The following POLG variants were observed in gnomAD, a reference collection of about 807,000 sequenced individuals.
POLG encodes DNA polymerase subunit gamma-1.
Under a neutral mutation model 155.4 loss-of-function variants are expected in POLG, and 110 were observed. That is an observed-to-expected ratio of 0.71 (90% CI 0.61 to 0.83). The LOEUF (loss-of-function observed/expected upper bound fraction) is 0.83, where lower values mean the gene tolerates loss of function less well. Among genes scored for constraint, POLG ranks in the 40% least tolerant of loss-of-function variants. POLG has a pLI of 0.00. For missense variants in POLG, 1,685 were observed against 1,627.5 expected, an observed-to-expected ratio of 1.04 and a Z score of -0.61; for synonymous variants, 701 against 631.5, an observed-to-expected ratio of 1.11 and a Z score of -1.65.
intron 9 of POLG, 41 bp downstream of exon 9, chr15:89,326,571 G>A (rs1456804644): frequency 3.1e-6 from 5 of 1,609,014 alleles, no homozygotes; most frequent in Non-Finnish European, 4.2e-6. Context: ...ATGGAGCAAG[G>A]GTAGACTCTA....
chr15:89,329,934 G>C (rs2055572491), intron 3 of POLG, 147 bp downstream of exon 3: 1 of 732,542 alleles, frequency 1.4e-6, no homozygotes, highest in Non-Finnish European at 2.4e-6. Context: ...AGAGACCAGA[G>C]GCACAGCTGG....
intron 6 of POLG, 59 bp downstream of exon 6, chr15:89,328,396 TG>T: frequency 1.5e-6 from 2 of 1,332,246 alleles, no homozygotes; most frequent in Non-Finnish European, 2.1e-6. Context: ...CTGATTACAG[TG>T]GGCCCGGGTA....
chr15:89,319,084 C>G lies in POLG; in HGVS notation c.3120G>C (p.Lys1040Asn), dbSNP rs754039113. ...RETARKSQWK[K>N]WEVVAERAWK... Reference sequence around the variant, plus strand: ...ATGCCCGTTCAGCAACCACCTCCCACTTCTTCCACTGTGACCTAAGGGACC... The same window carrying G: ...ATGCCCGTTCAGCAACCACCTCCCAGTTCTTCCACTGTGACCTAAGGGACC... The change falls in exon 20 of 23, where the codon AAG (lysine) becomes AAC (asparagine). Residue 1040 changes from lysine (K) to asparagine (N), a missense_variant. Coordinates refer to ENST00000268124, the MANE Select transcript of POLG (RefSeq NM_002693.3). 2.0e-5 allele frequency: 32 copies of G among 1,614,064 alleles called. 1 individual carries two copies. In the South Asian group the frequency reaches 3.4e-4, roughly 17 times the overall value.
At chr15:89,332,957 G>A (rs915196113) in intron 2 of POLG, 139 bp downstream of exon 2, 1 of 1,141,788 alleles carries the variant, frequency 8.8e-7, no homozygotes, top group African/African-American at 1.6e-5. Context: ...ATAAACAGGG[G>A]TCTAGTCCTA....
Position 89,328,970 on chromosome 15 carries a change from G to A in POLG, c.996C>T (p.Ser332=), listed in dbSNP as rs1183183052. The A allele has an allele frequency of 2.5e-6, 4 of 1,613,942 alleles. No individual in the cohort carries two copies. Among genetic ancestry groups the A allele is most frequent in the Admixed American group, 1.7e-5 (1 of 60,034 alleles). Residue 332 remains serine, a synonymous_variant, in exon 4 of 23, where the codon TCC becomes TCT. Transcript: ENST00000268124. ...VQPPTKQGQK[S]QRKARRGPAI... Reference sequence around the variant, plus strand: ...CTGGGCCTCTTCTGGCTTTCCTCTGGGACTTCTGGCCTTGCTTTGTGGGGG... The same window carrying A: ...CTGGGCCTCTTCTGGCTTTCCTCTGAGACTTCTGGCCTTGCTTTGTGGGGG...
chr15:89,325,115 T>TGA (rs1567189411), intron 10 of POLG, among the ~76,000 whole-genome samples: 1 of 29,260 alleles, frequency 3.4e-5, no homozygotes, highest in African/African-American at 2.6e-4. Flanking sequence ...TGAGAGAGAG[T>TGA]GAGTGAGTGA....
chr15:89,324,300 G>A, intron 10 of POLG, 73 bp from the exon 11 acceptor site: 1 of 1,545,638 alleles, frequency 6.5e-7, no homozygotes, highest in African/African-American at 1.4e-5. Flanking sequence ...GCTTGCTAGT[G>A]CCTTCCACAA....
intron 2 of POLG, among the ~76,000 whole-genome samples, chr15:89,330,954 T>C (rs974889590): frequency 2.6e-5 from 4 of 152,108 alleles, no homozygotes; most frequent in African/African-American, 9.7e-5. Context: ...GGCCCGACAC[T>C]GATTCAGGAA....
intron 14 of POLG, among the ~76,000 whole-genome samples, chr15:89,322,482 G>A (rs988783051): frequency 3.3e-5 from 5 of 152,200 alleles, no homozygotes; most frequent in African/African-American, 1.2e-4. Context: ...CATAGCCCAC[G>A]GCTCCAGCAG....
At chr15:89,317,666 C>A in intron 21 of POLG, 130 bp from the exon 22 acceptor site, 1 of 896,188 alleles carries the variant, frequency 1.1e-6, no homozygotes, top group East Asian at 2.5e-5. Flanking sequence ...GTTCACTTAG[C>A]TAAGTCAAGA....
At position 89,333,424 on chromosome 15, in the gene POLG, C is replaced by T; in HGVS notation, c.331G>A (p.Gly111Arg). Reference protein sequence around the residue: ...RRSVEHLQKHGLWGQPAVPLP... With the variant: ...RRSVEHLQKHRLWGQPAVPLP... ...GGCACGGCTGGCTGCCCCCAGAGCC[C>T]GTGCTTCTGCAGGTGCTCGACGCTG... The change falls in exon 2 of 23, where the codon GGG becomes AGG. Residue 111 changes from glycine to arginine, a missense_variant. Physicochemically the swap from Gly to Arg is moderately radical, Grantham distance 125. Transcript: ENST00000268124. 2.5e-6 allele frequency: 4 copies of T among 1,607,834 alleles called. No homozygotes were observed. The highest frequency in any genetic ancestry group is 1.3e-5 in the African/African-American group (1 of 75,034).
At chr15:89,323,685 C>G in intron 12 of POLG, 130 bp downstream of exon 12, 1 of 880,880 alleles carries the variant, frequency 1.1e-6, no homozygotes. Context: ...GTGGGGCCTC[C>G]CAGGGGCAGG....
rs746902405 is a variant in POLG at position 89,319,040 on chromosome 15, G to A, written c.3164C>T (p.Ser1055Leu). Reference sequence around the variant, plus strand: ...GCTCTCAAGCTTATTGAACATTTCTGACTCTGTGCCCCCCTTCCATGCCCG... The same window carrying A: ...GCTCTCAAGCTTATTGAACATTTCTAACTCTGTGCCCCCCTTCCATGCCCG... ...AERAWKGGTE[S>L]EMFNKLESIA... Residue 1055 changes from serine (S) to leucine (L), a missense_variant, in exon 20 of 23, where the codon TCA (serine) becomes TTA (leucine). Around this residue, in one of 3 missense-constraint regions of POLG, gnomAD observed 470 missense variants for 439.9 expected, o/e 1.07. Coordinates refer to ENST00000268124, the MANE Select transcript of POLG (RefSeq NM_002693.3). The A allele has an allele frequency of 1.2e-6, 2 of 1,614,068 alleles. No individual in the cohort carries two copies. Among genetic ancestry groups the A allele is most frequent in the East Asian group, 2.2e-5 (1 of 44,880 alleles).
Position 89,320,961 on chromosome 15 carries a change from G to A in POLG, c.2786C>T (p.Thr929Ile). 6.4e-7 allele frequency: 1 copy of A among 1,557,426 alleles called. No homozygotes were observed. The highest frequency in any genetic ancestry group is 8.7e-7 in the Non-Finnish European group (1 of 1,150,338). Residue 929 changes from threonine (T) to isoleucine (I), a missense_variant, in exon 18 of 23, where the codon ACT (threonine) becomes ATT (isoleucine). Thr to Ile is a moderately conservative substitution (Grantham distance 89). Coordinates refer to ENST00000268124, the MANE Select transcript of POLG (RefSeq NM_002693.3). ...MTLQGRKSRGTDLHSKTATTV... is the reference protein window; with the variant it reads ...MTLQGRKSRGIDLHSKTATTV... ...AGTGGCTGTCTTACTGTGTAGATCAGTGCCCCTGCTCTTCCTGCCCTGCAG... is the reference window on the plus strand; with the variant it reads ...AGTGGCTGTCTTACTGTGTAGATCAATGCCCCTGCTCTTCCTGCCCTGCAG...
chr15:89,326,302 G>A (rs767699712), intron 9 of POLG, among the ~76,000 whole-genome samples: 49 of 152,336 alleles, frequency 3.2e-4, no homozygotes, highest in Middle Eastern at 3.4e-3. Flanking sequence ...GCACTGGCTG[G>A]TCTACGTGCC....
chr15:89,325,085 A>AGTGAGAGAGTGAGT (rs1162839671), intron 10 of POLG, among the ~76,000 whole-genome samples: 1 of 77,676 alleles, frequency 1.3e-5, no homozygotes, highest in African/African-American at 8.7e-5. Context: ...AGTGAGTGAG[A>AGTGAGAGAGTGAGT]GAGTGAGTGA....
intron 13 of POLG, among the ~76,000 whole-genome samples, 192 bp from the exon 14 acceptor site, chr15:89,323,094 C>G (rs970802451): frequency 6.6e-6 from 1 of 152,274 alleles, no homozygotes; most frequent in African/African-American, 2.4e-5. Context: ...CCCCCTAAGA[C>G]ACACAGACAC....
chr15:89,333,962 G>C, intron 1 of POLG, 49 bp from the exon 2 acceptor site: 4 of 611,774 alleles, frequency 6.5e-6, no homozygotes, highest in Non-Finnish European at 1.2e-5. Flanking sequence ...ATATGTAATA[G>C]GTGTATCCAT....
rs1220157849 is a variant in POLG at position 89,320,966 on chromosome 15, C to T, written c.2781G>A (p.Arg927=). ...GWMTLQGRKS[R]GTDLHSKTAT... is the part of the protein sequence containing the mutation. ...CTGTCTTACTGTGTAGATCAGTGCC[C>T]CTGCTCTTCCTGCCCTGCAGTGTCA... The change falls in exon 18 of 23, where the codon AGG becomes AGA. Residue 927 remains arginine, a synonymous_variant. Coordinates refer to ENST00000268124, the MANE Select transcript of POLG (RefSeq NM_002693.3). 1 of 1,575,970 alleles carries T rather than the reference C, an allele frequency of 6.3e-7. No individual in the cohort carries two copies. Among genetic ancestry groups the T allele is most frequent in the African/African-American group, 1.4e-5 (1 of 70,536 alleles).
Sources: allele counts gnomAD v4.1 joint callset (sites outside exome capture counted in the v4.1 genomes callset), GRCh38; gene constraint gnomAD v4.1.1; regional missense constraint gnomAD v4.1.1; transcripts MANE v1.5; gene names NCBI Gene and HGNC (gene_info 2026-07-23, HGNC 2026-07-21).